Variants in NTNG1 observed in about 807,000 individuals in gnomAD.
The protein encoded by NTNG1 is netrin G1.
Under a neutral mutation model 54.0 loss-of-function variants are expected in NTNG1, and 16 were observed. That is an observed-to-expected ratio of 0.30 (90% confidence interval 0.20 to 0.45). The LOEUF is 0.45. Ranked by LOEUF, NTNG1 falls within the 20% of genes least tolerant of loss-of-function variation. The pLI, the probability that NTNG1 is intolerant of heterozygous loss-of-function variation, is 1.00. For missense variants in NTNG1, 530 were observed against 678.7 expected (o/e 0.78, Z 2.43); for synonymous variants, 255 against 263.1 (o/e 0.97, Z 0.30).
chr1:107,201,576 A>G (rs1658761706), intron 2 of NTNG1, among the ~76,000 whole-genome samples: 1 of 151,824 alleles, frequency 6.6e-6, no homozygotes, highest in Non-Finnish European at 1.5e-5. Flanking sequence ...CACACTCTCC[A>G]TTCTGTATTC....
At position 107,236,751 on chromosome 1, in the gene NTNG1, C is replaced by A. The variant is rs116371170; in HGVS notation, c.247-87531C>A. 7.9e-3 allele frequency among the ~76,000 whole-genome samples: 1,194 copies of A among 152,068 alleles called. 16 individuals carry two copies. The highest frequency in any genetic ancestry group is 0.027 in the African/African-American group (1,130 of 41,490). On this transcript the variant is annotated intron_variant, in intron 2 of 7. Transcript: ENST00000370068. Reference sequence around the variant, plus strand: ...GATGGTTTTAAAAATGGGAGTTTCCCTGCCCAATATTTTTTTTTGCCTGCT... The same window carrying A: ...GATGGTTTTAAAAATGGGAGTTTCCATGCCCAATATTTTTTTTTGCCTGCT...
intron 3 of NTNG1, chr1:107,333,910 G>C (rs907593535): frequency 6.7e-6 from 1 of 150,078 alleles, no homozygotes; most frequent in Non-Finnish European, 1.5e-5. Flanking sequence ...ATTAAGTACT[G>C]TATTGGAATA....
chr1:107,469,967 T>C (rs762688402), intron 7 of NTNG1, among the ~76,000 whole-genome samples: 3 of 152,080 alleles, frequency 2.0e-5, no homozygotes, highest in African/African-American at 7.2e-5. Flanking sequence ...AATCTACAAA[T>C]GTAAAAATGT....
intron 7 of NTNG1, among the ~76,000 whole-genome samples, chr1:107,457,945 T>C (rs1308192378): frequency 1.3e-5 from 2 of 152,132 alleles, no homozygotes; most frequent in Non-Finnish European, 2.9e-5. Context: ...TATTAGAGAA[T>C]GAGCCCGTCC....
At chr1:107,229,735 T>A (rs545528716) in intron 2 of NTNG1, among the ~76,000 whole-genome samples, 95 of 152,132 alleles carry the variant, frequency 6.2e-4, no homozygotes, top group Non-Finnish European at 3.7e-4. Flanking sequence ...CTTTTTTTTT[T>A]ATTTAAAAAT....
At chr1:107,467,380 T>A (rs143009248) in intron 7 of NTNG1, among the ~76,000 whole-genome samples, 37 of 152,352 alleles carry the variant, frequency 2.4e-4, no homozygotes, top group African/African-American at 8.9e-4. Context: ...GAACCTATAT[T>A]AACAATTACC....
chr1:107,412,785 A>G (rs896081027), intron 5 of NTNG1, among the ~76,000 whole-genome samples: 1 of 152,174 alleles, frequency 6.6e-6, no homozygotes, highest in Non-Finnish European at 1.5e-5. Context: ...CAATATATTG[A>G]GGAAGAGGGA....
chr1:107,314,397 C>CAATA (rs149611674), intron 2 of NTNG1, among the ~76,000 whole-genome samples: 60 of 150,842 alleles, frequency 4.0e-4, no homozygotes, highest in African/African-American at 1.4e-3. Flanking sequence ...GAATCCGTCT[C>CAATA]AATAAATAAA....
chr1:107,240,234 C>G (rs1024061287), intron 2 of NTNG1, among the ~76,000 whole-genome samples: 19 of 151,244 alleles, frequency 1.3e-4, no homozygotes, highest in Non-Finnish European at 2.2e-4. Context: ...TGCCAACAAA[C>G]AGTTTTAGGG....
chr1:107,465,748 G>T (rs1677564070), intron 7 of NTNG1, among the ~76,000 whole-genome samples: 2 of 152,178 alleles, frequency 1.3e-5, no homozygotes, highest in African/African-American at 2.4e-5. Context: ...CAAACAGAAA[G>T]ACTTCAGCTC....
At chr1:107,458,851 A>G (rs182127541) in intron 7 of NTNG1, among the ~76,000 whole-genome samples, 71 of 152,206 alleles carry the variant, frequency 4.7e-4, no homozygotes, top group African/African-American at 1.7e-3. Context: ...CTGGTGTCCT[A>G]TTTGCTGGAT....
chr1:107,286,491 G>T (rs3123378), intron 2 of NTNG1, among the ~76,000 whole-genome samples: 3 of 152,108 alleles, frequency 2.0e-5, no homozygotes, highest in African/African-American at 7.2e-5. Context: ...AATGAACGCC[G>T]TGGAGGATTG....
At chr1:107,306,291 T>A (rs4528143) in intron 2 of NTNG1, among the ~76,000 whole-genome samples, 12,550 of 152,326 alleles carry the variant, frequency 0.082, 569 homozygotes, top group Middle Eastern at 0.15. Context: ...AGCGAGGTAT[T>A]CTTACATTGT....
intron 3 of NTNG1, among the ~76,000 whole-genome samples, chr1:107,349,906 G>A (rs1323100929): frequency 2.6e-5 from 4 of 152,036 alleles, no homozygotes; most frequent in African/African-American, 7.2e-5. Flanking sequence ...TGGTACATGT[G>A]TGCAAAAAGT....
intron 2 of NTNG1, among the ~76,000 whole-genome samples, chr1:107,303,436 T>G (rs535984631): frequency 8.6e-5 from 13 of 151,398 alleles, no homozygotes; most frequent in African/African-American, 3.1e-4. Flanking sequence ...CAAGTAAGAG[T>G]TTTTTTTTAA....
chr1:107,391,489 G>A, intron 3 of NTNG1, among the ~76,000 whole-genome samples: 1 of 152,140 alleles, frequency 6.6e-6, no homozygotes, highest in East Asian at 1.9e-4. Flanking sequence ...AAGGAAGAGT[G>A]CATTAGTCCA....
intron 3 of NTNG1, among the ~76,000 whole-genome samples, chr1:107,386,169 T>A (rs866934430): frequency 0.023 from 2,208 of 95,518 alleles, 44 homozygotes; most frequent in African/African-American, 0.054. Context: ...ATATATATTT[T>A]TTTTTTTTTC....
chr1:107,201,353 C>T (rs899959750), intron 2 of NTNG1, among the ~76,000 whole-genome samples: 2 of 151,740 alleles, frequency 1.3e-5, no homozygotes, highest in African/African-American at 4.8e-5. Context: ...CTGAATCTCG[C>T]CCTACTCTCG....
chr1:107,308,911 G>A (rs540710108), intron 2 of NTNG1, among the ~76,000 whole-genome samples: 1 of 152,100 alleles, frequency 6.6e-6, no homozygotes, highest in Non-Finnish European at 1.5e-5. Context: ...GCATGGGATT[G>A]CGTACCTGAT....
Sources: allele counts gnomAD v4.1 joint callset (sites outside exome capture counted in the v4.1 genomes callset), GRCh38; gene constraint gnomAD v4.1.1; transcripts MANE v1.5; gene names NCBI Gene and HGNC (gene_info 2026-07-23, HGNC 2026-07-21).